The following HDGFL2 variants were observed in gnomAD, a reference collection of about 807,000 sequenced individuals.
The protein encoded by HDGFL2 is HDGF like 2.
A neutral mutation model predicts 77.1 loss-of-function variants in HDGFL2; 36 were observed. The ratio of observed to expected loss-of-function variants is 0.47; its 90% confidence interval spans 0.36 to 0.62. The LOEUF (loss-of-function observed/expected upper bound fraction) is 0.62, where lower values mean the gene tolerates loss of function less well. HDGFL2 is among the 20% of genes least tolerant of loss of function. HDGFL2 has a pLI of 0.00. For missense variants in HDGFL2, 976 were observed against 973.4 expected, an observed-to-expected ratio of 1.00 and a Z score of -0.04; for synonymous variants, 463 against 413.1, an observed-to-expected ratio of 1.12 and a Z score of -1.46.
At chr19:4,492,019 C>T (rs1040725412) in intron 6 of HDGFL2, among the ~76,000 whole-genome samples, 184 bp downstream of exon 6, 2 of 152,172 alleles carry the variant, frequency 1.3e-5, no homozygotes, top group African/African-American at 4.8e-5. Context: ...CTCCAGGAGC[C>T]CACCATCTGG....
rs751652689 is a variant in HDGFL2 at position 4,498,935 on chromosome 19, G to A, written c.1575+20G>A. The A allele has an allele frequency of 5.8e-6, 9 of 1,545,186 alleles. No homozygotes were observed. In the East Asian group the frequency reaches 1.2e-4, roughly 20 times the overall value. Reference sequence around the variant, plus strand: ...AAGAAGGTATGGCGGGGGAATCAGAGGCGCAGGGTGCAGTCGGGGGAGCTG... The same window carrying A: ...AAGAAGGTATGGCGGGGGAATCAGAAGCGCAGGGTGCAGTCGGGGGAGCTG... On this transcript the variant is annotated intron_variant, in intron 13 of 15. Coordinates refer to ENST00000616600, the MANE Select transcript of HDGFL2 (RefSeq NM_001001520.3).
At chr19:4,485,170 T>TC (rs1401411962) in intron 3 of HDGFL2, among the ~76,000 whole-genome samples, 2 of 152,112 alleles carry the variant, frequency 1.3e-5, no homozygotes, top group East Asian at 3.9e-4. Flanking sequence ...AATTCTCTTC[T>TC]CCCCTCAAGC....
chr19:4,499,770 G>A, intron 14 of HDGFL2, 66 bp downstream of exon 14: 2 of 1,245,674 alleles, frequency 1.6e-6, no homozygotes, highest in East Asian at 4.9e-5. Flanking sequence ...ATGCTTTGCA[G>A]AACATTCCAG....
intron 15 of HDGFL2, chr19:4,501,570 G>T: frequency 2.0e-6 from 1 of 490,610 alleles, no homozygotes; most frequent in Non-Finnish European, 3.6e-6. Flanking sequence ...GCTTCTTGCC[G>T]AGCCTCCAGG....
chr19:4,491,280 C>CA (rs1568211794), intron 4 of HDGFL2, among the ~76,000 whole-genome samples: 1 of 125,002 alleles, frequency 8.0e-6, no homozygotes, highest in Non-Finnish European at 1.7e-5. Context: ...CCCCCCCACC[C>CA]CCCCCGGCGC....
chr19:4,501,497 G>A (rs750662111), intron 15 of HDGFL2, 180 bp downstream of exon 15: 6 of 658,732 alleles, frequency 9.1e-6, no homozygotes, highest in African/African-American at 7.6e-5. Flanking sequence ...CACTTCCGGC[G>A]GCCCCTACAG....
chr19:4,497,933 G>A lies in HDGFL2; in HGVS notation c.1329-25G>A, dbSNP rs544353926. On this transcript the variant is annotated intron_variant, in intron 10 of 15. Transcript: ENST00000616600. ...TGGCAGAGTGCCGGTGACGGGGCCC[G>A]ACTGAGGGGAGCACTTCTCCACAGG... 6.4e-4 allele frequency: 995 copies of A among 1,548,728 alleles called. 22 individuals carry two copies. In the South Asian group the frequency reaches 0.01, roughly 16 times the overall value.
chr19:4,501,296 G>A lies in HDGFL2; in HGVS notation c.1895G>A (p.Gly632Asp). The A allele has an allele frequency of 6.2e-7, 1 of 1,607,806 alleles. No homozygotes were observed. The highest frequency in any genetic ancestry group is 1.3e-5 in the African/African-American group (1 of 74,996). Reference protein sequence around the residue: ...GRDSEEGPRCGSSEDLHDSVR... With the variant: ...GRDSEEGPRCDSSEDLHDSVR... ...GACTCGGAGGAGGGGCCAAGGTGTG[G>A]CTCCTCTGAAGACCTGCACGAGTGA... The change falls in exon 15 of 16, where the codon GGC (glycine) becomes GAC (aspartate). Residue 632 changes from glycine (G) to aspartate (D), a missense_variant. This residue lies in a region of HDGFL2 where 229 missense variants were observed against 187.3 expected (regional missense o/e 1.22). Coordinates refer to ENST00000616600, the MANE Select transcript of HDGFL2 (RefSeq NM_001001520.3).
chr19:4,486,611 G>A (rs1975368976), intron 3 of HDGFL2, among the ~76,000 whole-genome samples: 1 of 151,834 alleles, frequency 6.6e-6, no homozygotes, highest in African/African-American at 2.4e-5. Flanking sequence ...AGGCTGAGGC[G>A]GGTGGATCAC....
At chr19:4,488,416 G>A in intron 3 of HDGFL2, among the ~76,000 whole-genome samples, 1 of 152,244 alleles carries the variant, frequency 6.6e-6, no homozygotes, top group Middle Eastern at 3.4e-3. Context: ...GAAGCACAGA[G>A]GGTTGAAGTC....
At chr19:4,491,249 A>ACCCC (rs1975499381) in intron 4 of HDGFL2, among the ~76,000 whole-genome samples, 6 of 39,474 alleles carry the variant, frequency 1.5e-4, no homozygotes, top group Admixed American at 2.9e-4. Context: ...CACTCCCACC[A>ACCCC]CCCACCCCCC....
intron 3 of HDGFL2, among the ~76,000 whole-genome samples, chr19:4,479,083 G>A (rs955042238): frequency 7.2e-5 from 11 of 151,798 alleles, no homozygotes; most frequent in African/African-American, 2.7e-4. Flanking sequence ...CCTCAGCACT[G>A]TGGGAGGCCA....
intron 3 of HDGFL2, among the ~76,000 whole-genome samples, chr19:4,483,069 G>A (rs1417891463): frequency 1.3e-5 from 2 of 152,234 alleles, no homozygotes; most frequent in African/African-American, 2.4e-5. Context: ...GTGGAGAGGC[G>A]TGATCGAGAT....
intron 3 of HDGFL2, among the ~76,000 whole-genome samples, chr19:4,479,118 G>A (rs569431130): frequency 1.3e-3 from 202 of 151,660 alleles, no homozygotes; most frequent in Non-Finnish European, 2.7e-3. Flanking sequence ...TTCAGGTCAG[G>A]AGTTCCAGAC....
chr19:4,478,745 G>A (rs759659052), intron 3 of HDGFL2, among the ~76,000 whole-genome samples: 2 of 151,328 alleles, frequency 1.3e-5, no homozygotes, highest in Non-Finnish European at 1.5e-5. Flanking sequence ...GCAGTGGTGC[G>A]ACCTCGGCTC....
At chr19:4,501,391 TC>T in intron 15 of HDGFL2, 74 bp downstream of exon 15, 1 of 1,499,866 alleles carries the variant, frequency 6.7e-7, no homozygotes, top group South Asian at 1.3e-5. Flanking sequence ...TCCGAGCCGC[TC>T]CTCCTGTGCC....
In HDGFL2 at chr19:4,484,622, C is replaced by G. The variant is rs930116030; in HGVS notation, c.289-4054C>G. ...TCACACCATTCTCCTGCCTCAGCCT[C>G]CTGAGTAGATGGGACTACAGGCACC... is the stretch of plus-strand genomic sequence containing the variant. On this transcript the variant is annotated intron_variant, in intron 3 of 15. Coordinates refer to ENST00000616600, the MANE Select transcript of HDGFL2 (RefSeq NM_001001520.3). Among the ~76,000 whole-genome samples the G allele has an allele frequency of 6.0e-5, 9 of 149,080 alleles. No homozygotes were observed. In the South Asian group the frequency reaches 6.3e-4, roughly 10 times the overall value.
intron 14 of HDGFL2, among the ~76,000 whole-genome samples, chr19:4,500,122 C>T (rs1326406150): frequency 6.6e-6 from 1 of 152,164 alleles, no homozygotes; most frequent in Non-Finnish European, 1.5e-5. Context: ...GCCTGGTGGG[C>T]CGACAGGAGA....
intron 2 of HDGFL2, 35 bp from the exon 3 acceptor site, chr19:4,475,410 C>G: frequency 1.2e-6 from 2 of 1,614,116 alleles, no homozygotes; most frequent in Non-Finnish European, 1.7e-6. Flanking sequence ...GGTGGCCTCA[C>G]TCACCTGGGA....
Sources: gnomAD v4.1 joint callset for allele counts (sites outside exome capture counted in the v4.1 genomes callset) on GRCh38, gnomAD v4.1.1 for gene constraint, gnomAD v4.1.1 regional missense constraint, MANE v1.5 for transcripts, NCBI Gene and HGNC (gene_info 2026-07-23, HGNC 2026-07-21) for gene names.